The following COMMD10 variants were observed in gnomAD, a reference collection of about 807,000 sequenced individuals.
The protein encoded by COMMD10 is COMM domain containing 10, also known as COMM domain-containing protein 10.
In COMMD10, 33 loss-of-function variants were observed where a neutral mutation model predicts 28.9. That is an observed-to-expected ratio of 1.14 (90% CI 0.87 to 1.53). The LOEUF is 1.53. COMMD10 is among the 40% of genes most tolerant of loss of function. COMMD10 has a pLI of 0.00. For missense variants in COMMD10, 310 were observed against 233.4 expected (o/e 1.33, Z -2.14); for synonymous variants, 110 against 81.7 (o/e 1.35, Z -1.87).
intron 5 of COMMD10, among the ~76,000 whole-genome samples, chr5:116,180,821 T>A (rs1028155403): frequency 3.9e-5 from 6 of 152,176 alleles, no homozygotes; most frequent in Non-Finnish European, 8.8e-5. Context: ...ATCATTTTAA[T>A]GAGTTTTTTG....
intron 1 of COMMD10, among the ~76,000 whole-genome samples, chr5:116,086,664 TG>T (rs1750109138): frequency 6.6e-6 from 1 of 152,192 alleles, no homozygotes. Context: ...TTCACCATGT[TG>T]GCTAGGCTGG....
chr5:116,102,176 A>G lies in COMMD10; in HGVS notation c.399+9476A>G, dbSNP rs1377035667. ...GAGTTTTCGCTAGGTTTCTTCTAGT[A>G]TTTTAAATTTCAAGTATTCCATTGA... On this transcript the variant is annotated intron_variant, in intron 4 of 6. Transcript: ENST00000274458. 2.0e-5 allele frequency among the ~76,000 whole-genome samples: 3 copies of G among 152,160 alleles called. No individual in the cohort carries two copies. The East Asian group carries it at 5.8e-4, about 29-fold the overall frequency.
At chr5:116,280,110 C>T (rs1751033411) in intron 5 of COMMD10, among the ~76,000 whole-genome samples, 1 of 151,796 alleles carries the variant, frequency 6.6e-6, no homozygotes, top group African/African-American at 2.4e-5. Context: ...CGCCATTTTC[C>T]TCATCTATTA....
chr5:116,167,282 G>A (rs28812579), intron 5 of COMMD10, among the ~76,000 whole-genome samples: 47,231 of 151,492 alleles, frequency 0.31, 10,309 homozygotes, highest in African/African-American at 0.63. Context: ...AAGCATGAAG[G>A]CAAGAATAGA....
chr5:116,119,908 C>G (rs1751369349), intron 4 of COMMD10, among the ~76,000 whole-genome samples: 1 of 152,150 alleles, frequency 6.6e-6, no homozygotes, highest in Non-Finnish European at 1.5e-5. Flanking sequence ...GTGTGAGTCA[C>G]TGTGCCTGCC....
At chr5:116,211,302 A>G (rs1055959951) in intron 5 of COMMD10, among the ~76,000 whole-genome samples, 1 of 152,160 alleles carries the variant, frequency 6.6e-6, no homozygotes, top group Admixed American at 6.6e-5. Flanking sequence ...CCTAGATGGT[A>G]TAGCCTACTA....
At chr5:116,167,804 G>C (rs986695777) in intron 5 of COMMD10, among the ~76,000 whole-genome samples, 9 of 152,086 alleles carry the variant, frequency 5.9e-5, no homozygotes. Flanking sequence ...TTACCACCAG[G>C]GCTGCCTTAC....
In COMMD10 at chr5:116,152,352, A is replaced by C. The variant is rs1357032490; in HGVS notation, c.510+18174A>C. On this transcript the variant is annotated intron_variant, in intron 5 of 6. Transcript: ENST00000274458. ...GCTACTTGAACTCTCTCCCTGTGGG[A>C]TTTTTTTTCACAGTGACCTTTCAGA... Among the ~76,000 whole-genome samples the C allele has an allele frequency of 2.6e-5, 4 of 151,974 alleles. No individual in the cohort carries two copies. The East Asian group carries it at 7.7e-4, about 29-fold the overall frequency.
At chr5:116,257,687 C>T (rs930610912) in intron 5 of COMMD10, among the ~76,000 whole-genome samples, 2 of 151,492 alleles carry the variant, frequency 1.3e-5, no homozygotes, top group Non-Finnish European at 1.5e-5. Context: ...GCGATCAGCT[C>T]TTTTCAAAAT....
intron 4 of COMMD10, among the ~76,000 whole-genome samples, chr5:116,130,989 A>G (rs1421775680): frequency 2.0e-5 from 3 of 152,010 alleles, no homozygotes; most frequent in Non-Finnish European, 4.4e-5. Flanking sequence ...ACAATTTATA[A>G]TATCAACAAA....
At chr5:116,219,233 C>T (rs1274000608) in intron 5 of COMMD10, among the ~76,000 whole-genome samples, 1 of 88,542 alleles carries the variant, frequency 1.1e-5, no homozygotes, top group Non-Finnish European at 3.5e-5. Context: ...TTTAAGCCAC[C>T]CAGTCTGTGG....
At chr5:116,267,049 C>G (rs968713512) in intron 5 of COMMD10, among the ~76,000 whole-genome samples, 3 of 151,794 alleles carry the variant, frequency 2.0e-5, no homozygotes, top group African/African-American at 7.3e-5. Context: ...GACAAGGATG[C>G]CCTCTCTCAC....
intron 5 of COMMD10, among the ~76,000 whole-genome samples, chr5:116,286,962 A>C (rs1431461750): frequency 1.3e-5 from 2 of 151,796 alleles, no homozygotes; most frequent in Admixed American, 6.6e-5. Flanking sequence ...GAAGTCTCCT[A>C]CTATTATTGT....
intron 5 of COMMD10, among the ~76,000 whole-genome samples, chr5:116,235,981 T>C (rs772845883): frequency 6.6e-6 from 1 of 152,190 alleles, no homozygotes; most frequent in Non-Finnish European, 1.5e-5. Flanking sequence ...CCACCTGTTA[T>C]CTTTGGTTAT....
At chr5:116,121,183 C>A (rs1244382451) in intron 4 of COMMD10, among the ~76,000 whole-genome samples, 1 of 152,094 alleles carries the variant, frequency 6.6e-6, no homozygotes, top group East Asian at 1.9e-4. Flanking sequence ...TTCCTCTGTC[C>A]AAGTGTTCTC....
intron 4 of COMMD10, among the ~76,000 whole-genome samples, chr5:116,106,685 A>G (rs1750851899): frequency 1.3e-5 from 2 of 152,170 alleles, no homozygotes; most frequent in African/African-American, 2.4e-5. Flanking sequence ...GGGTGCATAT[A>G]TACTTAGAAT....
intron 5 of COMMD10, among the ~76,000 whole-genome samples, chr5:116,187,708 A>C (rs1273889885): frequency 6.6e-6 from 1 of 152,142 alleles, no homozygotes; most frequent in Admixed American, 6.6e-5. Flanking sequence ...GTTTGTGTTT[A>C]ACTGAGTTGA....
At chr5:116,220,259 T>C (rs1365470343) in intron 5 of COMMD10, among the ~76,000 whole-genome samples, 1 of 152,204 alleles carries the variant, frequency 6.6e-6, no homozygotes, top group Non-Finnish European at 1.5e-5. Flanking sequence ...GTACTGAGTT[T>C]CTCAAACACA....
At chr5:116,246,586 C>T (rs986383420) in intron 5 of COMMD10, among the ~76,000 whole-genome samples, 3 of 151,920 alleles carry the variant, frequency 2.0e-5, no homozygotes, top group Admixed American at 6.6e-5. Flanking sequence ...TGACTTCAAA[C>T]TATATTACAG....
Sources: gnomAD v4.1 joint callset for allele counts (sites outside exome capture counted in the v4.1 genomes callset) on GRCh38, gnomAD v4.1.1 for gene constraint, MANE v1.5 for transcripts, NCBI Gene and HGNC (gene_info 2026-07-23, HGNC 2026-07-21) for gene names.